Variants in CRYBG1 observed in about 807,000 individuals in gnomAD.
CRYBG1 encodes beta/gamma crystallin domain-containing protein 1.
A neutral mutation model predicts 189.2 loss-of-function variants in CRYBG1; 139 were observed. The ratio of observed to expected loss-of-function variants is 0.73; its 90% CI spans 0.64 to 0.85. The LOEUF (loss-of-function observed/expected upper bound fraction) is 0.85, where lower values mean the gene tolerates loss of function less well. Among genes scored for constraint, CRYBG1 ranks in the 40% least tolerant of loss-of-function variants. The probability of loss-of-function intolerance (pLI) is 0.00; values close to 1 mark genes in which losing one functional copy is unlikely to be tolerated. For synonymous variants in CRYBG1, 1,023 were observed against 1,017.1 expected (o/e 1.01, Z -0.11); for missense variants, 2,611 against 2,675.8 (o/e 0.98, Z 0.53).
At chr6:106,519,043 G>T (rs1268002745) in intron 3 of CRYBG1, 88 bp from the exon 4 acceptor site, 3 of 1,390,276 alleles carry the variant, frequency 2.2e-6, no homozygotes, top group Non-Finnish European at 2.9e-6. Context: ...GGAGATGTTG[G>T]CTTTTCATAG....
chr6:106,406,158 A>C (rs1159023077), intron 1 of CRYBG1, among the ~76,000 whole-genome samples: 1 of 152,170 alleles, frequency 6.6e-6, no homozygotes, highest in Non-Finnish European at 1.5e-5. Context: ...TGTTAACTAG[A>C]ATAACCAGTT....
chr6:106,549,960 G>GGCA (rs1159535674), intron 13 of CRYBG1, among the ~76,000 whole-genome samples: 1 of 152,204 alleles, frequency 6.6e-6, no homozygotes, highest in Non-Finnish European at 1.5e-5. Context: ...CAGGGCACAT[G>GGCA]GCAGGTTGGG....
chr6:106,448,568 G>A (rs372335549), intron 1 of CRYBG1, among the ~76,000 whole-genome samples: 2 of 152,122 alleles, frequency 1.3e-5, no homozygotes, highest in African/African-American at 2.4e-5. Flanking sequence ...GGTTCAACAC[G>A]CTACAAGGCC....
In CRYBG1 at chr6:106,519,433, T is replaced by A; in HGVS notation, c.2225T>A (p.Val742Glu). The A allele has an allele frequency of 1.2e-6, 2 of 1,614,016 alleles. No individual in the cohort carries two copies. The highest frequency in any genetic ancestry group is 1.7e-6 in the Non-Finnish European group (2 of 1,180,022). Residue 742 changes from valine (V) to glutamate (E), a missense_variant, in exon 4 of 22, where the codon GTG becomes GAG. By Grantham distance (121) the Val-to-Glu change is moderately radical. Coordinates refer to ENST00000633556, the MANE Select transcript of CRYBG1 (RefSeq NM_001371242.2). ...KVMPNSPQNG[V>E]LVKETAIETK... The stretch of plus-strand genomic sequence containing the variant: ...ATGCCAAACAGTCCCCAGAATGGTG[T>A]GCTGGTTAAGGAAACTGCTATAGAA...
At chr6:106,513,647 T>C (rs1457146261) in intron 3 of CRYBG1, among the ~76,000 whole-genome samples, 1 of 152,238 alleles carries the variant, frequency 6.6e-6, no homozygotes, top group Non-Finnish European at 1.5e-5. Flanking sequence ...GAAAAGTAGT[T>C]TTCAGTTACT....
Position 106,543,548 on chromosome 6 carries a change from G to C in CRYBG1, c.4990G>C (p.Asp1664His). ...GGETEEATGDDHLPFTSVGSM... is the reference protein window; with the variant it reads ...GGETEEATGDHHLPFTSVGSM... ...TGAAACAGAAGAGGCGACTGGAGAC[G>C]ATCATTTGCCGTTTACGTCAGTGGG... The change falls in exon 11 of 22, where the codon GAT becomes CAT. Residue 1664 changes from aspartate to histidine, a missense_variant. Asp to His is a moderately conservative substitution (Grantham distance 81). This residue lies in a region of CRYBG1 where 1,622 missense variants were observed against 1,735.0 expected (regional missense o/e 0.93). Transcript: ENST00000633556. 6.2e-7 allele frequency: 1 copy of C among 1,614,066 alleles called. No individual in the cohort carries two copies. Among genetic ancestry groups the C allele is most frequent in the South Asian group, 1.1e-5 (1 of 91,068 alleles).
intron 1 of CRYBG1, among the ~76,000 whole-genome samples, chr6:106,382,902 C>G (rs542339329): frequency 6.6e-6 from 1 of 152,252 alleles, no homozygotes; most frequent in Non-Finnish European, 1.5e-5. Context: ...TTGCAAAAGA[C>G]AATTGTAATT....
Position 106,517,461 on chromosome 6 carries a change from TATAC to T in CRYBG1, c.1923-1668_1923-1665del, listed in dbSNP as rs1773466014. 3.8e-5 allele frequency among the ~76,000 whole-genome samples: 4 copies of T among 105,930 alleles called. No homozygotes were observed. In the South Asian group the frequency reaches 1.3e-3, roughly 35 times the overall value. The allele number at this position is 105,930 out of a possible 152,430, so 69.5% of individuals were successfully genotyped here. A position where few individuals can be genotyped will look rare whatever the true frequency, so the allele number is the denominator to read the frequency against. On this transcript the variant is annotated intron_variant, in intron 3 of 21. Transcript: ENST00000633556. ...ACACATATATATACACACATATATA[TATAC>T]ACACACACATATATATATACACACA...
At chr6:106,524,138 G>A (rs1351769963) in intron 4 of CRYBG1, among the ~76,000 whole-genome samples, 3 of 152,116 alleles carry the variant, frequency 2.0e-5, no homozygotes, top group East Asian at 1.9e-4. Context: ...AGTAGTTCAC[G>A]TTTTGTAATA....
Position 106,474,154 on chromosome 6 carries a change from A to T in CRYBG1, c.312+22322A>T, listed in dbSNP as rs141090737. ...AGATATTGTCAACACTGACTGTTAC[A>T]CTTTTGCCAGTGTGTTTTTACTATA... On this transcript the variant is annotated intron_variant, in intron 2 of 21. Coordinates refer to ENST00000633556, the MANE Select transcript of CRYBG1 (RefSeq NM_001371242.2). 2.6e-3 allele frequency among the ~76,000 whole-genome samples: 390 copies of T among 152,330 alleles called. 5 individuals carry two copies. The highest frequency in any genetic ancestry group is 8.7e-3 in the African/African-American group (362 of 41,572).
intron 13 of CRYBG1, among the ~76,000 whole-genome samples, chr6:106,548,787 C>T (rs1774322667): frequency 2.0e-5 from 3 of 151,638 alleles, no homozygotes; most frequent in African/African-American, 7.3e-5. Flanking sequence ...TACATGTGCA[C>T]AACGTGCAGG....
intron 20 of CRYBG1, among the ~76,000 whole-genome samples, chr6:106,562,708 T>G (rs780298803): frequency 2.6e-4 from 40 of 152,210 alleles, no homozygotes; most frequent in Non-Finnish European, 3.5e-4. Flanking sequence ...AGGATGGTCT[T>G]GATCTCCTGA....
At chr6:106,535,193 G>T (rs755858511) in intron 8 of CRYBG1, among the ~76,000 whole-genome samples, 1 of 152,076 alleles carries the variant, frequency 6.6e-6, no homozygotes, top group Non-Finnish European at 1.5e-5. Flanking sequence ...GCCCACCGTG[G>T]TTACACATGT....
intron 16 of CRYBG1, among the ~76,000 whole-genome samples, chr6:106,554,636 T>C (rs949186556): frequency 1.3e-5 from 2 of 151,890 alleles, no homozygotes; most frequent in South Asian, 2.1e-4. Context: ...GGCAAATACA[T>C]AGTTGGATAG....
intron 20 of CRYBG1, among the ~76,000 whole-genome samples, chr6:106,562,797 C>T (rs1774763456): frequency 6.6e-6 from 1 of 151,798 alleles, no homozygotes; most frequent in Admixed American, 6.6e-5. Flanking sequence ...TACAATAATA[C>T]ACTTTTAACA....
At chr6:106,444,569 C>T (rs551370501) in intron 1 of CRYBG1, among the ~76,000 whole-genome samples, 169 of 152,228 alleles carry the variant, frequency 1.1e-3, no homozygotes, top group African/African-American at 3.9e-3. Context: ...CTTGTGGAAC[C>T]TAGCCTGGTT....
At chr6:106,427,549 C>T (rs957550207) in intron 1 of CRYBG1, among the ~76,000 whole-genome samples, 4 of 152,190 alleles carry the variant, frequency 2.6e-5, no homozygotes, top group Non-Finnish European at 4.4e-5. Flanking sequence ...TCATCTTAGT[C>T]CATTCTTCTG....
chr6:106,464,213 G>T (rs2114457161), intron 2 of CRYBG1, among the ~76,000 whole-genome samples: 1 of 152,242 alleles, frequency 6.6e-6, no homozygotes, highest in South Asian at 2.1e-4. Flanking sequence ...TCTAAAAGTT[G>T]GCCAGGCGCA....
intron 1 of CRYBG1, among the ~76,000 whole-genome samples, chr6:106,449,176 G>C (rs201441465): frequency 1.3e-5 from 2 of 152,160 alleles, no homozygotes; most frequent in East Asian, 3.8e-4. Flanking sequence ...TAATACGTAA[G>C]TATCTAGGAA....
Sources: gnomAD v4.1 joint callset for allele counts (sites outside exome capture counted in the v4.1 genomes callset) on GRCh38, gnomAD v4.1.1 for gene constraint, gnomAD v4.1.1 regional missense constraint, MANE v1.5 for transcripts, NCBI Gene and HGNC (gene_info 2026-07-23, HGNC 2026-07-21) for gene names.